The following SEMA6D variants were observed in gnomAD, a reference collection of about 807,000 sequenced individuals.
SEMA6D encodes the protein semaphorin 6D.
In SEMA6D, 35 loss-of-function variants were observed where a neutral mutation model predicts 106.6. The observed-to-expected ratio is 0.33, with a 90% CI of 0.25 to 0.44. The LOEUF is 0.44. Among genes scored for constraint, SEMA6D ranks in the 20% least tolerant of loss-of-function variants. SEMA6D has a pLI of 1.00. For missense variants in SEMA6D, 1,185 were observed against 1,345.9 expected (o/e 0.88, Z 1.87); for synonymous variants, 499 against 487.7 (o/e 1.02, Z -0.31).
At chr15:47,362,620 T>C (rs2038856632) in intron 1 of SEMA6D, among the ~76,000 whole-genome samples, 1 of 152,020 alleles carries the variant, frequency 6.6e-6, no homozygotes, top group Non-Finnish European at 1.5e-5. Flanking sequence ...TTGGAGATCA[T>C]AGTAATCAGT....
In SEMA6D at chr15:47,313,173, C is replaced by T. The variant is rs1278366640; in HGVS notation, c.-238-99220C>T. Among the ~76,000 whole-genome samples the T allele has an allele frequency of 6.6e-5, 10 of 152,222 alleles. No homozygotes were observed. In the South Asian group the frequency reaches 1.0e-3, roughly 16 times the overall value. ...TTTATGTTAGGTTTCTCTGTGCTAC[C>T]GTACATTCTGTGGGTTTGGAGAAAT... On this transcript the variant is annotated intron_variant, in intron 1 of 19. Transcript: ENST00000558014.
intron 1 of SEMA6D, among the ~76,000 whole-genome samples, chr15:47,305,542 AT>A (rs1261332828): frequency 6.6e-6 from 1 of 152,194 alleles, no homozygotes; most frequent in Non-Finnish European, 1.5e-5. Context: ...GCTGTTTTCT[AT>A]TGTAGAATGC....
intron 1 of SEMA6D, among the ~76,000 whole-genome samples, chr15:47,365,792 C>A (rs942924078): frequency 6.6e-6 from 1 of 150,914 alleles, no homozygotes; most frequent in African/African-American, 2.4e-5. Flanking sequence ...ACCCGGGAGG[C>A]AGAGGTTGCA....
chr15:47,359,537 A>G (rs2038719169), intron 1 of SEMA6D: 1 of 152,180 alleles, frequency 6.6e-6, no homozygotes, highest in Non-Finnish European at 1.5e-5. Flanking sequence ...TAAAAACTTA[A>G]GGTTCTGAGA....
intron 3 of SEMA6D, among the ~76,000 whole-genome samples, chr15:47,537,081 A>G (rs1307551091): frequency 6.6e-6 from 1 of 152,248 alleles, no homozygotes; most frequent in African/African-American, 2.4e-5. Flanking sequence ...TTCTCTTAGA[A>G]GAGTAAAACC....
intron 1 of SEMA6D, among the ~76,000 whole-genome samples, chr15:47,350,078 T>C (rs1007818322): frequency 6.6e-6 from 1 of 152,228 alleles, no homozygotes; most frequent in African/African-American, 2.4e-5. Flanking sequence ...TGTGCACATA[T>C]ATGTATGTGG....
intron 1 of SEMA6D, among the ~76,000 whole-genome samples, chr15:47,243,247 C>G (rs754342743): frequency 1.3e-5 from 2 of 152,030 alleles, no homozygotes; most frequent in Non-Finnish European, 2.9e-5. Flanking sequence ...TTCACTGTTG[C>G]GCATACCCAG....
At chr15:47,474,274 T>C (rs921731782) in intron 3 of SEMA6D, among the ~76,000 whole-genome samples, 10 of 152,204 alleles carry the variant, frequency 6.6e-5, no homozygotes, top group Non-Finnish European at 1.2e-4. Flanking sequence ...CCTGTCACAA[T>C]TGGAGTCAGA....
chr15:47,319,612 TC>T, intron 1 of SEMA6D, among the ~76,000 whole-genome samples: 1 of 151,948 alleles, frequency 6.6e-6, no homozygotes, highest in Non-Finnish European at 1.5e-5. Flanking sequence ...GATATTTCCC[TC>T]CCCCCATTTC....
At chr15:47,716,506 G>A (rs551968283), upstream of SEMA6D, among the ~76,000 whole-genome samples, 1 of 152,188 alleles carries the variant, frequency 6.6e-6, no homozygotes, top group East Asian at 1.9e-4. Context: ...TAAGTTTGGC[G>A]GAAAAAGCTC....
intron 1 of SEMA6D, among the ~76,000 whole-genome samples, chr15:47,738,635 T>C (rs995426256): frequency 3.3e-5 from 5 of 152,220 alleles, no homozygotes; most frequent in Admixed American, 1.3e-4. Context: ...AATCTTCAGC[T>C]GGACTGACAG....
chr15:47,600,470 A>T (rs1204755788), intron 3 of SEMA6D, among the ~76,000 whole-genome samples: 3 of 152,144 alleles, frequency 2.0e-5, no homozygotes, highest in Non-Finnish European at 4.4e-5. Flanking sequence ...TGTTTCTCTT[A>T]TCTGTAGAAG....
intron 4 of SEMA6D, among the ~76,000 whole-genome samples, chr15:47,688,470 T>C (rs1371671272): frequency 6.7e-6 from 1 of 148,642 alleles, no homozygotes; most frequent in Non-Finnish European, 1.5e-5. Context: ...TATGTCTTCA[T>C]TCATTCAACA....
chr15:47,341,753 C>CA (rs1420229285), intron 1 of SEMA6D, among the ~76,000 whole-genome samples: 10 of 152,244 alleles, frequency 6.6e-5, no homozygotes, highest in African/African-American at 2.4e-4. Flanking sequence ...AAAAATTACT[C>CA]AGAGTAAACT....
intron 4 of SEMA6D, among the ~76,000 whole-genome samples, chr15:47,639,587 G>T (rs2077452707): frequency 6.6e-6 from 1 of 152,110 alleles, no homozygotes; most frequent in Non-Finnish European, 1.5e-5. Flanking sequence ...AGAAAAAAGA[G>T]AAATGTTACA....
At chr15:47,747,529 C>T (rs2081211668) in intron 1 of SEMA6D, among the ~76,000 whole-genome samples, 1 of 152,126 alleles carries the variant, frequency 6.6e-6, no homozygotes, top group Admixed American at 6.5e-5. Context: ...AAACTTAAGT[C>T]GACAGCTTTA....
At chr15:47,399,910 T>C (rs2040341293) in intron 1 of SEMA6D, among the ~76,000 whole-genome samples, 1 of 152,144 alleles carries the variant, frequency 6.6e-6, no homozygotes, top group African/African-American at 2.4e-5. Context: ...GGTCCCAGAT[T>C]TGAGTAAACA....
intron 3 of SEMA6D, among the ~76,000 whole-genome samples, chr15:47,509,643 A>G (rs2044161528): frequency 1.3e-5 from 2 of 152,304 alleles, no homozygotes; most frequent in South Asian, 4.1e-4. Flanking sequence ...ACCTTCACTC[A>G]TCCTGTTTAC....
At chr15:47,223,844 A>C (rs1168851672) in intron 1 of SEMA6D, among the ~76,000 whole-genome samples, 1 of 152,074 alleles carries the variant, frequency 6.6e-6, no homozygotes, top group Non-Finnish European at 1.5e-5. Flanking sequence ...CTTTGGTTAC[A>C]TTCTCTTACT....
Sources: allele counts gnomAD v4.1 joint callset (sites outside exome capture counted in the v4.1 genomes callset), GRCh38; gene constraint gnomAD v4.1.1; transcripts MANE v1.5; gene names NCBI Gene and HGNC (gene_info 2026-07-23, HGNC 2026-07-21).